Variants in DPP6 observed in about 807,000 individuals in gnomAD.
DPP6 encodes A-type potassium channel modulatory protein DPP6.
A neutral mutation model predicts 122.6 loss-of-function variants in DPP6; 69 were observed. The observed-to-expected ratio is 0.56, with a 90% CI of 0.46 to 0.69. The LOEUF (loss-of-function observed/expected upper bound fraction) is 0.69. DPP6 is among the 30% of genes least tolerant of loss of function. DPP6 has a pLI of 0.00. For synonymous variants in DPP6, 418 were observed against 433.1 expected (o/e 0.97, Z 0.43); for missense variants, 928 against 1,116.9 (o/e 0.83, Z 2.41).
intron 1 of DPP6, among the ~76,000 whole-genome samples, chr7:154,250,591 T>TAGAA (rs1802292209): frequency 1.3e-5 from 2 of 152,200 alleles, no homozygotes; most frequent in Non-Finnish European, 1.5e-5. Context: ...TCTCCCTAGT[T>TAGAA]AGAAAGAAAT....
intron 1 of DPP6, among the ~76,000 whole-genome samples, chr7:154,382,448 C>T (rs1022129085): frequency 6.6e-6 from 1 of 152,228 alleles, no homozygotes; most frequent in East Asian, 1.9e-4. Context: ...TCTTAATTAA[C>T]CATTGAGGCA....
At chr7:154,118,927 C>T (rs1348105146) in intron 1 of DPP6, among the ~76,000 whole-genome samples, 2 of 150,004 alleles carry the variant, frequency 1.3e-5, no homozygotes, top group African/African-American at 4.9e-5. Context: ...ACCTCTGATT[C>T]TGCTTCTCTA....
intron 1 of DPP6, among the ~76,000 whole-genome samples, chr7:154,127,107 C>T (rs1340132808): frequency 6.6e-6 from 1 of 152,254 alleles, no homozygotes; most frequent in Non-Finnish European, 1.5e-5. Context: ...AAAAAGTATT[C>T]TCTGTTGCTG....
At chr7:154,320,737 C>G (rs1247162267) in intron 1 of DPP6, among the ~76,000 whole-genome samples, 6 of 152,152 alleles carry the variant, frequency 3.9e-5, no homozygotes, top group Non-Finnish European at 1.5e-5. Flanking sequence ...CCGCCTGCCT[C>G]AACCTCCCAA....
chr7:153,919,705 G>C (rs1800542918), intron 1 of DPP6, among the ~76,000 whole-genome samples: 1 of 152,146 alleles, frequency 6.6e-6, no homozygotes. Flanking sequence ...AGAACAACAT[G>C]CATGTAATAT....
the DPP6 span, among the ~76,000 whole-genome samples, chr7:153,817,662 G>A: frequency 6.3e-4 from 93 of 148,660 alleles, no homozygotes; most frequent in African/African-American, 1.7e-3. Context: ...GCAAAATATC[G>A]CAAGGACAAA....
At chr7:154,529,945 G>C (rs879888761) in intron 3 of DPP6, among the ~76,000 whole-genome samples, 1 of 152,068 alleles carries the variant, frequency 6.6e-6, no homozygotes, top group Non-Finnish European at 1.5e-5. Context: ...GGCCAACATA[G>C]TGAAACCCTG....
At chr7:153,788,941 G>A in the DPP6 span, among the ~76,000 whole-genome samples, 3 of 150,814 alleles carry the variant, frequency 2.0e-5, no homozygotes, top group Non-Finnish European at 3.0e-5. Flanking sequence ...CTCCAGCCTG[G>A]GCAACATGAG....
intron 5 of DPP6, among the ~76,000 whole-genome samples, chr7:154,573,025 G>T (rs1831229547): frequency 6.6e-6 from 1 of 152,160 alleles, no homozygotes; most frequent in Non-Finnish European, 1.5e-5. Flanking sequence ...TATAGCTATT[G>T]TTATAATATG....
intron 10 of DPP6, among the ~76,000 whole-genome samples, chr7:154,781,504 G>T (rs1168633031): frequency 6.6e-6 from 1 of 152,148 alleles, no homozygotes; most frequent in Non-Finnish European, 1.5e-5. Flanking sequence ...ACACCAAATA[G>T]TAATTTGTCT....
intron 5 of DPP6, among the ~76,000 whole-genome samples, chr7:154,581,274 G>C (rs372360684): frequency 3.9e-5 from 6 of 152,310 alleles, no homozygotes; most frequent in African/African-American, 1.4e-4. Context: ...CTTGGGGAAG[G>C]TGGAGGGAGA....
intron 1 of DPP6, among the ~76,000 whole-genome samples, chr7:154,235,326 T>C (rs1319257072): frequency 6.6e-6 from 1 of 152,210 alleles, no homozygotes; most frequent in Non-Finnish European, 1.5e-5. Context: ...TCAAGGCTCA[T>C]CCAGGTGGTA....
intron 1 of DPP6, among the ~76,000 whole-genome samples, chr7:154,219,391 C>G (rs1361510091): frequency 2.0e-5 from 3 of 152,188 alleles, no homozygotes; most frequent in African/African-American, 4.8e-5. Context: ...CATCATGGTT[C>G]TCTACTCCCT....
intron 3 of DPP6, chr7:154,475,495 A>G (rs1267045552): frequency 9.4e-6 from 2 of 211,732 alleles, no homozygotes; most frequent in Admixed American, 5.4e-5. Context: ...ATAGCTTCCA[A>G]ATGAAACTTG....
At chr7:154,062,677 A>C (rs1802173646) in intron 1 of DPP6, among the ~76,000 whole-genome samples, 1 of 60,028 alleles carries the variant, frequency 1.7e-5, no homozygotes. Flanking sequence ...GAGGGTGGGG[A>C]CTGAGAGCTA....
chr7:154,305,346 C>G, intron 1 of DPP6: 1 of 997,966 alleles, frequency 1.0e-6, no homozygotes, highest in South Asian at 4.3e-5. Context: ...ACCCACCCTC[C>G]CTCCCCCATC....
chr7:154,779,055 C>G (rs1796819490), intron 10 of DPP6, among the ~76,000 whole-genome samples: 1 of 2,736 alleles, frequency 3.7e-4, no homozygotes, highest in Admixed American at 4.1e-3. Context: ...ACTACCCCCA[C>G]CATCACCACC....
intron 1 of DPP6, among the ~76,000 whole-genome samples, chr7:154,272,445 A>G (rs1180953363): frequency 6.6e-6 from 1 of 152,214 alleles, no homozygotes; most frequent in Non-Finnish European, 1.5e-5. Context: ...GCCTGGATGG[A>G]AATTATATGA....
At chr7:154,873,736 G>T (rs1804579747) in intron 19 of DPP6, among the ~76,000 whole-genome samples, 1 of 152,044 alleles carries the variant, frequency 6.6e-6, no homozygotes. Flanking sequence ...TCACCCACAT[G>T]CAGACACACG....
Sources: allele counts gnomAD v4.1 joint callset (sites outside exome capture counted in the v4.1 genomes callset), GRCh38; gene constraint gnomAD v4.1.1; transcripts MANE v1.5; gene names NCBI Gene and HGNC (gene_info 2026-07-23, HGNC 2026-07-21).